The following DNER variants were observed in gnomAD, a reference collection of about 807,000 sequenced individuals.
DNER encodes the protein delta/notch like EGF repeat containing.
A neutral mutation model predicts 78.2 loss-of-function variants in DNER; 33 were observed. That is an observed-to-expected ratio of 0.42 (90% confidence interval 0.32 to 0.56). The LOEUF (loss-of-function observed/expected upper bound fraction) is 0.56, where lower values mean the gene tolerates loss of function less well. DNER is among the 20% of genes least tolerant of loss of function. DNER has a pLI of 0.11. For missense variants in DNER, 918 were observed against 975.3 expected (o/e 0.94, Z 0.78); for synonymous variants, 417 against 384.8 (o/e 1.08, Z -0.98).
At chr2:229,688,849 T>C (rs1699525791) in intron 1 of DNER, among the ~76,000 whole-genome samples, 1 of 152,124 alleles carries the variant, frequency 6.6e-6, no homozygotes, top group Non-Finnish European at 1.5e-5. Context: ...TACAGGGACA[T>C]GGAGCTGGAA....
intron 8 of DNER, among the ~76,000 whole-genome samples, chr2:229,433,056 TA>T (rs1436847147): frequency 6.6e-6 from 1 of 152,060 alleles, no homozygotes; most frequent in Non-Finnish European, 1.5e-5. Flanking sequence ...TCTCCTGCCT[TA>T]GCCTCCTGAG....
In DNER at chr2:229,504,917, T is replaced by C. The variant is rs145104104; in HGVS notation, c.1147+7866A>G. Among the ~76,000 whole-genome samples the C allele has an allele frequency of 2.2e-3, 328 of 152,318 alleles. 1 individual carries two copies. Among genetic ancestry groups the C allele is most frequent in the African/African-American group, 7.6e-3 (315 of 41,582 alleles). On this transcript the variant is annotated intron_variant, in intron 6 of 12. Transcript: ENST00000341772. ...ACTTTAGGGAATAACAACTAAATTC[T>C]GGCAAATGGCATGTGGTGGAAGGGA...
At chr2:229,431,443 C>T (rs1694001477) in intron 8 of DNER, among the ~76,000 whole-genome samples, 1 of 151,972 alleles carries the variant, frequency 6.6e-6, no homozygotes, top group African/African-American at 2.4e-5. Flanking sequence ...GAATTGGCTT[C>T]AGGACTAGGT....
chr2:229,586,034 G>C lies in DNER; in HGVS notation c.681-10C>G, dbSNP rs912871625. 1 of 1,603,198 alleles carries C rather than the reference G, an allele frequency of 6.2e-7. No homozygotes were observed. The highest frequency in any genetic ancestry group is 2.2e-5 in the East Asian group (1 of 44,672). ...GGCATCTTGCCGAATCCTGGAAACA[G>C]GAATGATGTAAACAGAAAGCTCCTT... is the stretch of plus-strand genomic sequence containing the variant. On this transcript the variant is annotated splice_polypyrimidine_tract_variant and intron_variant, in intron 3 of 12. Coordinates refer to ENST00000341772, the MANE Select transcript of DNER (RefSeq NM_139072.4).
At chr2:229,695,009 C>T (rs1335404120) in intron 1 of DNER, among the ~76,000 whole-genome samples, 1 of 152,144 alleles carries the variant, frequency 6.6e-6, no homozygotes, top group Non-Finnish European at 1.5e-5. Context: ...GCCCCCCCTG[C>T]TGCTCTTTTC....
intron 7 of DNER, among the ~76,000 whole-genome samples, chr2:229,463,405 T>G (rs142610431): frequency 1.3e-5 from 2 of 152,194 alleles, no homozygotes; most frequent in African/African-American, 4.8e-5. Context: ...TACAGATATA[T>G]AAATGAATAA....
At chr2:229,451,645 C>T (rs1694459313) in intron 7 of DNER, among the ~76,000 whole-genome samples, 1 of 152,080 alleles carries the variant, frequency 6.6e-6, no homozygotes, top group Non-Finnish European at 1.5e-5. Flanking sequence ...GTGAAGTAAC[C>T]TTTTCAAGTC....
rs1385378112 is a variant in DNER, at chr2:229,477,301, C to A, written c.1148-48G>T. On this transcript the variant is annotated intron_variant, in intron 6 of 12. Coordinates refer to ENST00000341772, the MANE Select transcript of DNER (RefSeq NM_139072.4). ...TTTATAAAATAAGCTCTTCCAGACC[C>A]ACCATGAGCCACTCTAGGAATTGAT... is the stretch of plus-strand genomic sequence containing the variant. 2.2e-6 allele frequency: 3 copies of A among 1,379,028 alleles called. No homozygotes were observed. The South Asian group carries it at 3.8e-5, about 17-fold the overall frequency. The allele number at this position is 1,379,028 out of a possible 1,614,324, so 85.4% of individuals were successfully genotyped here.
intron 10 of DNER, among the ~76,000 whole-genome samples, chr2:229,394,385 T>G (rs73098285): frequency 0.034 from 5,088 of 151,870 alleles, 138 homozygotes; most frequent in African/African-American, 0.073. Context: ...CAGGCTTCTC[T>G]TCGTAAGTCC....
At chr2:229,573,211 C>T (rs544244623) in intron 4 of DNER, among the ~76,000 whole-genome samples, 1 of 152,268 alleles carries the variant, frequency 6.6e-6, no homozygotes, top group East Asian at 1.9e-4. Flanking sequence ...GTCAAACTCA[C>T]AATTACGGCA....
chr2:229,543,070 G>A (rs763916387), intron 5 of DNER, among the ~76,000 whole-genome samples: 2 of 152,122 alleles, frequency 1.3e-5, no homozygotes, highest in South Asian at 2.1e-4. Context: ...GAGGCAACAC[G>A]GAAGGAGGAG....
intron 1 of DNER, among the ~76,000 whole-genome samples, chr2:229,706,396 C>T (rs376875880): frequency 8.3e-6 from 1 of 119,884 alleles, no homozygotes; most frequent in Non-Finnish European, 1.7e-5. Flanking sequence ...AGTAAAAATA[C>T]AAAAAAAAAA....
chr2:229,432,867 G>A (rs1312966752), intron 8 of DNER, among the ~76,000 whole-genome samples: 1 of 152,208 alleles, frequency 6.6e-6, no homozygotes, highest in Non-Finnish European at 1.5e-5. Context: ...CAAATGCGGG[G>A]AAATGGTAGG....
chr2:229,639,339 C>A (rs1698576234), intron 1 of DNER, among the ~76,000 whole-genome samples: 1 of 151,762 alleles, frequency 6.6e-6, no homozygotes, highest in South Asian at 2.1e-4. Context: ...ACTGCAAACT[C>A]CACCTCCCGG....
chr2:229,641,193 C>CAA (rs1698616870), intron 1 of DNER, among the ~76,000 whole-genome samples: 1 of 152,060 alleles, frequency 6.6e-6, no homozygotes, highest in Non-Finnish European at 1.5e-5. Context: ...ATCACTTTGT[C>CAA]CAACACGCAG....
At chr2:229,616,952 C>T (rs564806302) in intron 1 of DNER, among the ~76,000 whole-genome samples, 1 of 152,164 alleles carries the variant, frequency 6.6e-6, no homozygotes, top group Non-Finnish European at 1.5e-5. Context: ...ACAACGTGCC[C>T]TGGAAAGGTC....
At chr2:229,684,145 T>TGTGTGTGA (rs1699438897) in intron 1 of DNER, among the ~76,000 whole-genome samples, 1 of 123,018 alleles carries the variant, frequency 8.1e-6, no homozygotes, top group Non-Finnish European at 1.7e-5. Flanking sequence ...TCTGTGTATG[T>TGTGTGTGA]GAGAGAGAGA....
At chr2:229,416,547 G>C (rs1260025541) in intron 9 of DNER, among the ~76,000 whole-genome samples, 1 of 152,152 alleles carries the variant, frequency 6.6e-6, no homozygotes, top group Non-Finnish European at 1.5e-5. Context: ...TCAGCCTACT[G>C]TGCAATTTCC....
chr2:229,673,074 A>C (rs1194920854), intron 1 of DNER, among the ~76,000 whole-genome samples: 1 of 152,112 alleles, frequency 6.6e-6, no homozygotes, highest in Non-Finnish European at 1.5e-5. Context: ...GAAAGCCTGC[A>C]TCTGCCAGGG....
Sources: gnomAD v4.1 joint callset for allele counts (sites outside exome capture counted in the v4.1 genomes callset) on GRCh38, gnomAD v4.1.1 for gene constraint, MANE v1.5 for transcripts, NCBI Gene and HGNC (gene_info 2026-07-23, HGNC 2026-07-21) for gene names.